The following TG variants were observed in gnomAD, a reference collection of about 807,000 sequenced individuals.
TG encodes thyroglobulin, also known as thyroid hormones.
A neutral mutation model predicts 324.7 loss-of-function variants in TG; 270 were observed. The ratio of observed to expected loss-of-function variants is 0.83; its 90% CI spans 0.75 to 0.92. The LOEUF is 0.92. Ranked by LOEUF, TG falls within the 40% of genes least tolerant of loss-of-function variation. The pLI is 0.00. For missense variants in TG, 3,591 were observed against 3,456.4 expected (o/e 1.04, Z -0.98); for synonymous variants, 1,401 against 1,327.0 (o/e 1.06, Z -1.21).
chr8:132,895,173 T>C (rs1159620436), intron 11 of TG, among the ~76,000 whole-genome samples: 1 of 152,270 alleles, frequency 6.6e-6, no homozygotes, highest in African/African-American at 2.4e-5. Context: ...ATGATTAATC[T>C]GTCTTTGAAT....
intron 26 of TG, among the ~76,000 whole-genome samples, chr8:132,945,126 C>T (rs1304329789): frequency 6.6e-6 from 1 of 152,184 alleles, no homozygotes; most frequent in Admixed American, 6.5e-5. Context: ...TGAACTTTGA[C>T]GTGAGCGCTT....
At chr8:132,932,662 C>T (rs1822891279) in intron 23 of TG, among the ~76,000 whole-genome samples, 1 of 152,218 alleles carries the variant, frequency 6.6e-6, no homozygotes, top group Non-Finnish European at 1.5e-5. Context: ...GAATATTACA[C>T]AGTTGAATGC....
At chr8:132,951,687 C>G (rs1321616738) in intron 27 of TG, among the ~76,000 whole-genome samples, 1 of 152,056 alleles carries the variant, frequency 6.6e-6, no homozygotes, top group Non-Finnish European at 1.5e-5. Context: ...TTTCAGGCAG[C>G]CTTGATACTC....
intron 43 of TG, among the ~76,000 whole-genome samples, chr8:133,104,441 G>A (rs1408127818): frequency 1.3e-5 from 2 of 152,152 alleles, no homozygotes; most frequent in Non-Finnish European, 2.9e-5. Context: ...CAGGGGTTGA[G>A]CTAGTAACTT....
At chr8:133,051,677 G>A (rs73361226) in intron 41 of TG, among the ~76,000 whole-genome samples, 15 of 152,324 alleles carry the variant, frequency 9.8e-5, no homozygotes, top group African/African-American at 3.6e-4. Flanking sequence ...AGGAGAGACA[G>A]TGATTTTGCT....
chr8:133,068,760 C>T (rs888462763), intron 41 of TG, among the ~76,000 whole-genome samples: 2 of 152,178 alleles, frequency 1.3e-5, no homozygotes, highest in African/African-American at 4.8e-5. Context: ...CCTGACGTGG[C>T]TTTGATAGTT....
At chr8:132,930,009 C>T (rs1330107098) in intron 23 of TG, among the ~76,000 whole-genome samples, 1 of 152,072 alleles carries the variant, frequency 6.6e-6, no homozygotes, top group Non-Finnish European at 1.5e-5. Context: ...CTCTGTATTC[C>T]CCCCAAGTAG....
intron 40 of TG, among the ~76,000 whole-genome samples, chr8:133,022,974 A>G (rs1389915145): frequency 6.6e-6 from 1 of 152,244 alleles, no homozygotes; most frequent in Non-Finnish European, 1.5e-5. Context: ...ATGAGGTAAT[A>G]CATGTAAAAG....
At chr8:133,053,137 C>A (rs943693812) in intron 41 of TG, among the ~76,000 whole-genome samples, 1 of 152,166 alleles carries the variant, frequency 6.6e-6, no homozygotes. Context: ...CCGTTCCCAC[C>A]TTTGTCAACT....
At chr8:132,930,046 A>G (rs1368041395) in intron 23 of TG, among the ~76,000 whole-genome samples, 1 of 152,102 alleles carries the variant, frequency 6.6e-6, no homozygotes, top group African/African-American at 2.4e-5. Context: ...TTGCCATTTT[A>G]ACACTGCATT....
chr8:133,063,067 T>C (rs191198900), intron 41 of TG, among the ~76,000 whole-genome samples: 10 of 152,238 alleles, frequency 6.6e-5, no homozygotes, highest in Non-Finnish European at 1.0e-4. Flanking sequence ...GTTCTCAACA[T>C]GCAGAACTAA....
chr8:132,902,835 G>A (rs1408203356), intron 16 of TG, among the ~76,000 whole-genome samples: 2 of 152,148 alleles, frequency 1.3e-5, no homozygotes, highest in Non-Finnish European at 2.9e-5. Flanking sequence ...GACTGTATGT[G>A]GCTTGGCCAT....
In TG at chr8:133,002,604, A is replaced by G. The variant is rs183951410; in HGVS notation, c.6263-9297A>G. The G allele has an allele frequency of 9.8e-4, 230 of 235,156 alleles. 3 individuals are homozygous for G. Among genetic ancestry groups the G allele is most frequent in the African/African-American group, 5.1e-3 (220 of 42,880 alleles). 14.6% of individuals were successfully genotyped at this position (235,156 alleles called of 1,614,324 possible). A position where few individuals can be genotyped will look rare whatever the true frequency, so the allele number is the denominator to read the frequency against. ...TGTCTTATATTTTATTTTAACATCT[A>G]CTATGCCATGAACTCATAGGGAATA... On this transcript the variant is annotated intron_variant, in intron 35 of 47. Coordinates refer to ENST00000220616, the MANE Select transcript of TG (RefSeq NM_003235.5).
At chr8:132,896,476 T>C (rs16904780) in intron 11 of TG, among the ~76,000 whole-genome samples, 4,734 of 152,242 alleles carry the variant, frequency 0.031, 180 homozygotes, top group East Asian at 0.087. Flanking sequence ...TGACTGCCAA[T>C]GGTGCTGCCA....
At chr8:132,909,298 G>T (rs1351372616) in intron 18 of TG, among the ~76,000 whole-genome samples, 1 of 152,184 alleles carries the variant, frequency 6.6e-6, no homozygotes, top group East Asian at 1.9e-4. Flanking sequence ...TACAAGACTG[G>T]GTAGTAGTTG....
chr8:133,125,986 A>T (rs997804560), intron 45 of TG, among the ~76,000 whole-genome samples: 2 of 152,242 alleles, frequency 1.3e-5, no homozygotes, highest in African/African-American at 4.8e-5. Flanking sequence ...TTATCTTTTT[A>T]AAAAATAATA....
At position 132,893,563 on chromosome 8, in the gene TG, G is replaced by A. The variant is rs954503101; in HGVS notation, c.2762-127G>A. On this transcript the variant is annotated intron_variant, in intron 10 of 47. Transcript: ENST00000220616. ...TGGTGTAGGGGGGTGGTGTGTATGT[G>A]TGTGGTGTGTGTGTGTGGTGTGTGT... 3.0e-6 allele frequency: 4 copies of A among 1,313,136 alleles called. No individual in the cohort carries two copies. The African/African-American group carries it at 5.9e-5, about 19-fold the overall frequency. The allele number at this position is 1,313,136 out of a possible 1,614,324, so 81.3% of individuals were successfully genotyped here.
At chr8:133,025,492 C>G (rs1835987591) in intron 40 of TG, among the ~76,000 whole-genome samples, 2 of 152,146 alleles carry the variant, frequency 1.3e-5, no homozygotes, top group Non-Finnish European at 2.9e-5. Context: ...ACTCCCTCTC[C>G]CCCTCCTTCT....
chr8:133,100,170 G>T (rs1285302771), intron 43 of TG, among the ~76,000 whole-genome samples: 1 of 152,120 alleles, frequency 6.6e-6, no homozygotes, highest in Non-Finnish European at 1.5e-5. Context: ...CCATATCAGG[G>T]TCCTGGTACT....
Sources: allele counts gnomAD v4.1 joint callset (sites outside exome capture counted in the v4.1 genomes callset), GRCh38; gene constraint gnomAD v4.1.1; transcripts MANE v1.5; gene names NCBI Gene and HGNC (gene_info 2026-07-23, HGNC 2026-07-21).